NFE2L2: variants seen among roughly 807,000 people sequenced by gnomAD.
The protein encoded by NFE2L2 is NFE2 like bZIP transcription factor 2.
In NFE2L2, 20 loss-of-function variants were observed where a neutral mutation model predicts 49.6. That is an observed-to-expected ratio of 0.40 (90% CI 0.28 to 0.59). The LOEUF is 0.59. NFE2L2 is among the 20% of genes least tolerant of loss of function. NFE2L2 has a pLI of 0.40. For synonymous variants in NFE2L2, 244 were observed against 256.5 expected (o/e 0.95, Z 0.47); for missense variants, 578 against 714.2 (o/e 0.81, Z 2.17).
intron 1 of NFE2L2, among the ~76,000 whole-genome samples, chr2:177,253,543 A>C (rs1307175020): frequency 6.6e-6 from 1 of 151,952 alleles, no homozygotes; most frequent in East Asian, 1.9e-4. Context: ...GTGTGTAGAT[A>C]CCTAATAAAT....
At chr2:177,233,541 C>A in intron 2 of NFE2L2, 4 of 562,632 alleles carry the variant, frequency 7.1e-6, no homozygotes, top group Non-Finnish European at 1.2e-5. Context: ...TCTGAGTGAT[C>A]TGGGCAAATT....
In NFE2L2 at chr2:177,231,765, C is replaced by T; in HGVS notation, c.838G>A (p.Asp280Asn). Residue 280 changes from aspartate to asparagine, a missense_variant, in exon 5 of 5, where the codon GAT becomes AAT. Transcript: ENST00000397062. ...SLNSDATVNTDFGDEFYSAFI... is the reference protein window; with the variant it reads ...SLNSDATVNTNFGDEFYSAFI... ...GCAGAATAAAATTCATCACCAAAAT[C>T]TGTGTTGACTGTGGCATCTGAATTT... is the stretch of plus-strand genomic sequence containing the variant. The T allele has an allele frequency of 6.2e-7, 1 of 1,614,216 alleles. No individual in the cohort carries two copies. The highest frequency in any genetic ancestry group is 8.5e-7 in the Non-Finnish European group (1 of 1,180,032).
rs543751597 is a variant in NFE2L2, at chr2:177,255,431, C to T, written c.45+9101G>A. 2.6e-5 allele frequency among the ~76,000 whole-genome samples: 4 copies of T among 152,318 alleles called. No individual in the cohort carries two copies. The South Asian group carries it at 8.3e-4, about 32-fold the overall frequency. Reference sequence around the variant, plus strand: ...GAGGATAAGATACAACCTGCACCCACAGGATGATTCTCATTCTTGGTTCTG... The same window carrying T: ...GAGGATAAGATACAACCTGCACCCATAGGATGATTCTCATTCTTGGTTCTG... On this transcript the variant is annotated intron_variant, in intron 1 of 4. Transcript: ENST00000397062.
rs773329240 is a variant in NFE2L2 at position 177,232,473 on chromosome 2, C to T, written c.513G>A (p.Gln171=). 9.3e-6 allele frequency: 15 copies of T among 1,613,968 alleles called. No homozygotes were observed. Among genetic ancestry groups the T allele is most frequent in the Non-Finnish European group, 1.3e-5 (15 of 1,179,978 alleles). Residue 171 remains glutamine (Q), a synonymous_variant, in exon 4 of 5, where the codon CAG becomes CAA. Transcript: ENST00000397062. ...QAQSPETSVA[Q]VAPVDLDGMQ... ...TACCGTCTAAATCAACAGGGGCTACCTGAGCAACAGAAGTTTCAGGTGACT... is the reference window on the plus strand; with the variant it reads ...TACCGTCTAAATCAACAGGGGCTACTTGAGCAACAGAAGTTTCAGGTGACT...
chr2:177,258,332 G>C (rs1011884989), intron 1 of NFE2L2, among the ~76,000 whole-genome samples: 3 of 151,994 alleles, frequency 2.0e-5, no homozygotes, highest in Non-Finnish European at 4.4e-5. Context: ...GCAACAGAAG[G>C]ATAAATACTG....
chr2:177,262,266 G>A (rs1258626807), intron 1 of NFE2L2, among the ~76,000 whole-genome samples: 3 of 152,110 alleles, frequency 2.0e-5, no homozygotes, highest in Admixed American at 2.0e-4. Context: ...TAATCTCATC[G>A]GTCTATTTCA....
At chr2:177,263,795 G>A in intron 1 of NFE2L2, 4 of 985,500 alleles carry the variant, frequency 4.1e-6, no homozygotes, top group Non-Finnish European at 4.8e-6. Flanking sequence ...CCCCGGCCGA[G>A]AAAGTGCGCG....
Position 177,231,506 on chromosome 2 carries a change from T to C in NFE2L2, c.1097A>G (p.Tyr366Cys), listed in dbSNP as rs762411831. 19 of 1,614,122 alleles carry C rather than the reference T, an allele frequency of 1.2e-5. No homozygotes were observed. The highest frequency in any genetic ancestry group is 1.2e-4 in the Admixed American group (7 of 60,006). ...ACTGAGGCCAAGTAGTGTGTCTCCATAGCTGGAAGATTCCACTGAGTGTTC... is the reference window on the plus strand; with the variant it reads ...ACTGAGGCCAAGTAGTGTGTCTCCACAGCTGGAAGATTCCACTGAGTGTTC... ...SPEHSVESSS[Y>C]GDTLLGLSDS... Residue 366 changes from tyrosine (Y) to cysteine (C), a missense_variant, in exon 5 of 5, where the codon TAT becomes TGT. Around this residue, in one of 3 missense-constraint regions of NFE2L2, gnomAD observed 368 missense variants for 384.6 expected, o/e 0.96. Transcript: ENST00000397062.
chr2:177,251,907 G>A (rs1051340599), intron 1 of NFE2L2, among the ~76,000 whole-genome samples: 1 of 151,482 alleles, frequency 6.6e-6, no homozygotes, highest in Non-Finnish European at 1.5e-5. Flanking sequence ...TCAGGAGGCT[G>A]AGGCAGAAGA....
chr2:177,233,099 G>C (rs1460711580), intron 3 of NFE2L2, 151 bp downstream of exon 3: 1 of 642,684 alleles, frequency 1.6e-6, no homozygotes, highest in Non-Finnish European at 2.6e-6. Flanking sequence ...AGGTTTCCTT[G>C]ACAAGAGTAT....
At chr2:177,235,819 TTCAC>T (rs1187196401) in intron 1 of NFE2L2, among the ~76,000 whole-genome samples, 1 of 152,130 alleles carries the variant, frequency 6.6e-6, no homozygotes, top group Non-Finnish European at 1.5e-5. Flanking sequence ...AAGACCCTGT[TTCAC>T]ACACACAAAA....
At chr2:177,248,146 A>G (rs1690202727) in intron 1 of NFE2L2, among the ~76,000 whole-genome samples, 3 of 152,204 alleles carry the variant, frequency 2.0e-5, no homozygotes, top group Admixed American at 2.0e-4. Context: ...GAGGCCTGAG[A>G]TGCTAAATGG....
intron 1 of NFE2L2, among the ~76,000 whole-genome samples, chr2:177,252,999 T>G (rs146950673): frequency 2.6e-5 from 4 of 152,184 alleles, no homozygotes; most frequent in Non-Finnish European, 5.9e-5. Context: ...CTGTACAAAC[T>G]TGAAACAGTG....
At chr2:177,251,904 G>A (rs1489771786) in intron 1 of NFE2L2, among the ~76,000 whole-genome samples, 1 of 150,870 alleles carries the variant, frequency 6.6e-6, no homozygotes, top group Non-Finnish European at 1.5e-5. Flanking sequence ...TACTCAGGAG[G>A]CTGAGGCAGA....
intron 1 of NFE2L2, among the ~76,000 whole-genome samples, chr2:177,261,179 A>AAC (rs1553492152): frequency 1.9e-4 from 29 of 151,482 alleles, no homozygotes; most frequent in East Asian, 7.7e-4. Context: ...TCAAAAAAAA[A>AAC]AAAAAACAAA....
intron 1 of NFE2L2, among the ~76,000 whole-genome samples, chr2:177,255,340 TA>T (rs1418230251): frequency 2.0e-5 from 3 of 152,272 alleles, no homozygotes; most frequent in South Asian, 2.1e-4. Flanking sequence ...GTCACTGCCC[TA>T]AGGATTTCAC....
chr2:177,248,959 G>A (rs1690233909), intron 1 of NFE2L2, among the ~76,000 whole-genome samples: 1 of 152,136 alleles, frequency 6.6e-6, no homozygotes, highest in African/African-American at 2.4e-5. Flanking sequence ...GCTCACACCT[G>A]TTATCCCAGC....
At chr2:177,251,149 C>T (rs1381988280) in intron 1 of NFE2L2, among the ~76,000 whole-genome samples, 3 of 152,206 alleles carry the variant, frequency 2.0e-5, no homozygotes, top group African/African-American at 4.8e-5. Flanking sequence ...GTAAAACGTT[C>T]GGCTGTCATC....
intron 1 of NFE2L2, among the ~76,000 whole-genome samples, chr2:177,258,264 A>G (rs1055130807): frequency 1.2e-4 from 19 of 152,386 alleles, no homozygotes; most frequent in African/African-American, 4.1e-4. Flanking sequence ...GAATGACGCT[A>G]TTGATATACG....
Sources: gnomAD v4.1 joint callset for allele counts (sites outside exome capture counted in the v4.1 genomes callset) on GRCh38, gnomAD v4.1.1 for gene constraint, gnomAD v4.1.1 regional missense constraint, MANE v1.5 for transcripts, NCBI Gene and HGNC (gene_info 2026-07-23, HGNC 2026-07-21) for gene names.